Variants in DUSP13B observed in about 807,000 individuals in gnomAD.
DUSP13B encodes the protein dual specificity protein phosphatase 13B.
chr10:75,101,838 C>T, the DUSP13B span: 17 of 1,290,538 alleles, frequency 1.3e-5, no homozygotes, highest in Non-Finnish European at 1.6e-5. Context: ...CCACATCCTA[C>T]CCCCCCCAAA....
chr10:75,103,845 C>T, the DUSP13B span: 2 of 1,254,924 alleles, frequency 1.6e-6, no homozygotes, highest in Non-Finnish European at 2.1e-6. Context: ...ACTTGGGGTC[C>T]CTGGCCAAGA....
At chr10:75,106,219 G>A in the DUSP13B span, among the ~76,000 whole-genome samples, 1 of 151,138 alleles carries the variant, frequency 6.6e-6, no homozygotes, top group African/African-American at 2.4e-5. Context: ...TGGGATTACA[G>A]GCGTGAGACA....
chr10:75,108,981 C>T, the DUSP13B span: 1 of 1,580,910 alleles, frequency 6.3e-7, no homozygotes, highest in African/African-American at 1.3e-5. Flanking sequence ...GTCCCCACCC[C>T]CATGCCCCTT....
the DUSP13B span, among the ~76,000 whole-genome samples, chr10:75,095,178 T>C: frequency 6.6e-6 from 1 of 152,126 alleles, no homozygotes; most frequent in Admixed American, 6.6e-5. Context: ...GGTCACTGGG[T>C]TTGCATCAGA....
chr10:75,104,696 C>T, the DUSP13B span, among the ~76,000 whole-genome samples: 3 of 152,200 alleles, frequency 2.0e-5, no homozygotes, highest in Non-Finnish European at 2.9e-5. Context: ...AGGCCAATCT[C>T]AAGCCCAGCT....
At chr10:75,095,722 A>T in the DUSP13B span, 1 of 1,614,094 alleles carries the variant, frequency 6.2e-7, no homozygotes, top group Non-Finnish European at 8.5e-7. Flanking sequence ...TCCACCTGGA[A>T]CTTGCCTGCA....
the DUSP13B span, chr10:75,095,590 G>A: frequency 6.2e-7 from 1 of 1,614,030 alleles, no homozygotes; most frequent in South Asian, 1.1e-5. Flanking sequence ...GGAACACTGA[G>A]GGCAGCTCGG....
chr10:75,099,424 C>T, the DUSP13B span: 2 of 1,232,588 alleles, frequency 1.6e-6, no homozygotes, highest in Non-Finnish European at 2.0e-6. Flanking sequence ...TGGCCTGCCA[C>T]CTACCTGGGG....
chr10:75,103,241 G>A, the DUSP13B span, among the ~76,000 whole-genome samples: 1 of 152,252 alleles, frequency 6.6e-6, no homozygotes, highest in Non-Finnish European at 1.5e-5. Flanking sequence ...ATTGCCAACA[G>A]CAGGACCCAG....
the DUSP13B span, chr10:75,108,418 G>T: frequency 1.2e-6 from 1 of 863,288 alleles, no homozygotes; most frequent in Non-Finnish European, 1.7e-6. Context: ...TGTGTCGGGG[G>T]ATCTTTAGAC....
the DUSP13B span, chr10:75,099,068 C>T: frequency 4.1e-6 from 5 of 1,232,478 alleles, no homozygotes; most frequent in Non-Finnish European, 5.1e-6. Context: ...TCAGGCCCCA[C>T]CCGGGTCAGG....
chr10:75,094,854 A>G, the DUSP13B span: 3,012 of 1,614,108 alleles, frequency 1.9e-3, 3 homozygotes, highest in Non-Finnish European at 2.3e-3. Context: ...GCTTACCCCC[A>G]TGGCACAGTG....
the DUSP13B span, among the ~76,000 whole-genome samples, chr10:75,097,001 C>T: frequency 6.6e-6 from 1 of 152,098 alleles, no homozygotes; most frequent in African/African-American, 2.4e-5. Context: ...TTTTAAACAA[C>T]AGGTGAAACT....
At chr10:75,099,007 C>T in the DUSP13B span, 286,128 of 1,232,008 alleles carry the variant, frequency 0.23, 36,030 homozygotes, top group East Asian at 0.57. Context: ...CACCTGCCTA[C>T]AGGCCCTGGG....
At chr10:75,101,708 CTACTA>C in the DUSP13B span, among the ~76,000 whole-genome samples, 1 of 152,190 alleles carries the variant, frequency 6.6e-6, no homozygotes, top group Non-Finnish European at 1.5e-5. Flanking sequence ...CTCTCTGACT[CTACTA>C]TACCTTGTCT....
chr10:75,108,322 C>T, the DUSP13B span: 1 of 1,462,922 alleles, frequency 6.8e-7, no homozygotes, highest in Non-Finnish European at 9.0e-7. Flanking sequence ...AAAGAGAGTC[C>T]AACCCCAGCA....
the DUSP13B span, chr10:75,107,975 T>G: frequency 6.2e-7 from 1 of 1,602,654 alleles, no homozygotes; most frequent in East Asian, 2.3e-5. Flanking sequence ...GATATGGGCT[T>G]GGACCCCAAG....
At chr10:75,094,656 G>T in the DUSP13B span, 1 of 1,612,120 alleles carries the variant, frequency 6.2e-7, no homozygotes. Context: ...AAGGGTCAGG[G>T]ATCCTGGCTG....
chr10:75,094,449 A>C, the DUSP13B span: 552 of 558,376 alleles, frequency 9.9e-4, 4 homozygotes, highest in South Asian at 0.011. Context: ...ATGACGATGA[A>C]TATTTTATTA....
Sources: gnomAD v4.1 joint callset for allele counts (sites outside exome capture counted in the v4.1 genomes callset) on GRCh38, gnomAD v4.1.1 for gene constraint, MANE v1.5 for transcripts, NCBI Gene and HGNC (gene_info 2026-07-23, HGNC 2026-07-21) for gene names.